PRKD1: variants seen among roughly 807,000 people sequenced by gnomAD.
The protein encoded by PRKD1 is serine/threonine-protein kinase D1.
PRKD1 carries 63 observed loss-of-function variants against 95.9 expected under a neutral mutation model. That is an observed-to-expected ratio of 0.66 (90% CI 0.54 to 0.81). PRKD1 has a LOEUF of 0.81. PRKD1 is among the 30% of genes least tolerant of loss of function. The pLI, the probability that PRKD1 is intolerant of heterozygous loss-of-function variation, is 0.00. For synonymous variants in PRKD1, 425 were observed against 423.1 expected (o/e 1.00, Z -0.05); for missense variants, 1,048 against 1,165.3 (o/e 0.90, Z 1.47).
rs1566623009 is a variant in PRKD1, at chr14:29,826,814, CACATATATATATAT to C, written c.264+100421_264+100434del. Among the ~76,000 whole-genome samples the C allele has an allele frequency of 4.6e-4, 12 of 26,046 alleles. 1 individual carries two copies. Among genetic ancestry groups the C allele is most frequent in the African/African-American group, 1.3e-3 (10 of 7,958 alleles). The allele number at this position is 26,046 out of a possible 152,430, so 17.1% of individuals were successfully genotyped here. On this transcript the variant is annotated intron_variant, in intron 1 of 17. Transcript: ENST00000331968. ...ACACATATATATACACATATATATA[CACATATATATATAT>C]ATATATATATACACACATATATATA...
chr14:29,807,724 T>C (rs1405690134), intron 1 of PRKD1, among the ~76,000 whole-genome samples: 1 of 151,804 alleles, frequency 6.6e-6, no homozygotes, highest in East Asian at 1.9e-4. Flanking sequence ...TTTTTTTTCT[T>C]TTCCTTTTTT....
intron 1 of PRKD1, among the ~76,000 whole-genome samples, chr14:29,886,870 C>T (rs1893725933): frequency 6.6e-6 from 1 of 152,190 alleles, no homozygotes; most frequent in Non-Finnish European, 1.5e-5. Context: ...TATCATCCAG[C>T]TTGGTATGTG....
At chr14:29,652,237 C>G (rs555848307) in intron 4 of PRKD1, among the ~76,000 whole-genome samples, 1 of 152,224 alleles carries the variant, frequency 6.6e-6, no homozygotes, top group Admixed American at 6.5e-5. Context: ...GTCACGGTAC[C>G]TTGCCTGAGA....
intron 1 of PRKD1, among the ~76,000 whole-genome samples, chr14:29,787,817 A>G (rs1889344489): frequency 6.6e-6 from 1 of 151,996 alleles, no homozygotes; most frequent in Non-Finnish European, 1.5e-5. Context: ...TTAATTGGGG[A>G]ATTTAAACTG....
intron 2 of PRKD1, among the ~76,000 whole-genome samples, chr14:29,708,695 A>G (rs942379940): frequency 1.3e-5 from 2 of 152,162 alleles, no homozygotes; most frequent in African/African-American, 4.8e-5. Context: ...TCTACAAAAA[A>G]TACAAAAATT....
At chr14:29,926,720 G>A (rs538948637) in intron 1 of PRKD1, among the ~76,000 whole-genome samples, 3 of 152,254 alleles carry the variant, frequency 2.0e-5, no homozygotes, top group African/African-American at 4.8e-5. Flanking sequence ...AAGATGACAA[G>A]GCCTTGGGTA....
chr14:29,919,986 A>AGAGAG (rs1566672106), intron 1 of PRKD1, among the ~76,000 whole-genome samples: 1 of 142,812 alleles, frequency 7.0e-6, no homozygotes, highest in African/African-American at 2.6e-5. Context: ...GAGAGAGAGA[A>AGAGAG]AGAGAGGAAG....
intron 10 of PRKD1, among the ~76,000 whole-genome samples, chr14:29,629,726 G>C (rs995144363): frequency 2.0e-5 from 3 of 151,880 alleles, no homozygotes; most frequent in Admixed American, 1.3e-4. Context: ...CTGAATCTAG[G>C]TTGCATTTTA....
At chr14:29,628,444 A>T (rs1879770367) in intron 11 of PRKD1, among the ~76,000 whole-genome samples, 1 of 152,184 alleles carries the variant, frequency 6.6e-6, no homozygotes, top group Admixed American at 6.5e-5. Context: ...CATTTGACGG[A>T]CTGTAAAATA....
At chr14:29,696,143 T>C (rs1000703197) in intron 2 of PRKD1, among the ~76,000 whole-genome samples, 8 of 152,154 alleles carry the variant, frequency 5.3e-5, no homozygotes, top group Admixed American at 5.2e-4. Context: ...CGGGATAGTC[T>C]AGTAAGTTAA....
chr14:29,763,726 A>T (rs1307844847), intron 1 of PRKD1, among the ~76,000 whole-genome samples: 1 of 152,086 alleles, frequency 6.6e-6, no homozygotes, highest in African/African-American at 2.4e-5. Flanking sequence ...AAGAAAGGAT[A>T]CTGGAGGGGG....
chr14:29,921,804 C>T (rs1895120475), intron 1 of PRKD1, among the ~76,000 whole-genome samples: 1 of 152,170 alleles, frequency 6.6e-6, no homozygotes, highest in African/African-American at 2.4e-5. Context: ...CCCACCACCA[C>T]CACCACCATA....
chr14:29,631,740 C>T (rs186546876), intron 9 of PRKD1, among the ~76,000 whole-genome samples: 1 of 152,056 alleles, frequency 6.6e-6, no homozygotes, highest in Non-Finnish European at 1.5e-5. Flanking sequence ...CCTCATGCTG[C>T]CTGCCTCGGT....
chr14:29,669,313 G>A (rs1566527274), intron 2 of PRKD1, among the ~76,000 whole-genome samples: 1 of 152,148 alleles, frequency 6.6e-6, no homozygotes, highest in Non-Finnish European at 1.5e-5. Context: ...AAAGTCAGTG[G>A]TAATGATGCA....
chr14:29,684,265 C>A (rs961690188), intron 2 of PRKD1, among the ~76,000 whole-genome samples: 3 of 151,762 alleles, frequency 2.0e-5, no homozygotes, highest in African/African-American at 7.3e-5. Flanking sequence ...ATTCTCCTAC[C>A]TCAGCCTCCC....
intron 1 of PRKD1, among the ~76,000 whole-genome samples, chr14:29,780,695 T>A (rs149503484): frequency 1.3e-5 from 2 of 152,222 alleles, no homozygotes; most frequent in African/African-American, 4.8e-5. Context: ...TTGGTGGGAC[T>A]GTAAACTAGT....
chr14:29,643,956 G>C lies in PRKD1; in HGVS notation c.697-5052C>G, dbSNP rs1880962832. 2.0e-5 allele frequency among the ~76,000 whole-genome samples: 3 copies of C among 152,144 alleles called. No homozygotes were observed. In the South Asian group the frequency reaches 6.2e-4, roughly 31 times the overall value. ...TTTGAGTTAAAGAGAAAGAGAAAGA[G>C]AATACTTTAGCATACACGCCAACAT... On this transcript the variant is annotated intron_variant, in intron 4 of 17. Transcript: ENST00000331968.
At chr14:29,605,883 G>A (rs1893686225) in intron 13 of PRKD1, among the ~76,000 whole-genome samples, 3 of 152,248 alleles carry the variant, frequency 2.0e-5, no homozygotes, top group East Asian at 1.9e-4. Flanking sequence ...CATCAAGTAC[G>A]ATATATAGTG....
intron 1 of PRKD1, among the ~76,000 whole-genome samples, chr14:29,796,120 T>C (rs1297697153): frequency 6.6e-6 from 1 of 152,180 alleles, no homozygotes; most frequent in Non-Finnish European, 1.5e-5. Flanking sequence ...GATTACATGG[T>C]ACATTGTGTT....
Sources: allele counts gnomAD v4.1 joint callset (sites outside exome capture counted in the v4.1 genomes callset), GRCh38; gene constraint gnomAD v4.1.1; transcripts MANE v1.5; gene names NCBI Gene and HGNC (gene_info 2026-07-23, HGNC 2026-07-21).